Variants in LEPR observed in about 807,000 individuals in gnomAD.
The protein encoded by LEPR is leptin receptor.
A neutral mutation model predicts 114.7 loss-of-function variants in LEPR; 56 were observed. The observed-to-expected ratio is 0.49, with a 90% confidence interval of 0.39 to 0.61. LEPR has a LOEUF of 0.61. Ranked by LOEUF, LEPR falls within the 20% of genes least tolerant of loss-of-function variation. The pLI is 0.00. For synonymous variants in LEPR, 443 were observed against 461.4 expected, an observed-to-expected ratio of 0.96 and a Z score of 0.51; for missense variants, 1,202 against 1,352.9, an observed-to-expected ratio of 0.89 and a Z score of 1.75.
At chr1:65,565,680 A>G in intron 3 of LEPR, 75 bp downstream of exon 3, 2 of 1,519,028 alleles carry the variant, frequency 1.3e-6, no homozygotes, top group South Asian at 1.1e-5. Context: ...ATGCTGTTTT[A>G]TTTATTAGCT....
chr1:65,550,970 C>G (rs1270315135), intron 2 of LEPR, among the ~76,000 whole-genome samples: 3 of 151,700 alleles, frequency 2.0e-5, no homozygotes, highest in Admixed American at 6.6e-5. Context: ...GCTCCTCCCC[C>G]CATCATGTGG....
intron 2 of LEPR, chr1:65,434,771 G>A: frequency 1.0e-6 from 1 of 985,370 alleles, no homozygotes; most frequent in Non-Finnish European, 1.2e-6. Context: ...TCCCAACTGA[G>A]AACCTTCCCA....
intron 1 of LEPR, chr1:65,421,256 C>T: frequency 7.1e-7 from 1 of 1,411,468 alleles, no homozygotes; most frequent in Non-Finnish European, 9.3e-7. Context: ...CGGTGTTTCT[C>T]GCAGTCGTGG....
chr1:65,448,379 C>G (rs79870150), intron 2 of LEPR, among the ~76,000 whole-genome samples: 1 of 152,220 alleles, frequency 6.6e-6, no homozygotes, highest in African/African-American at 2.4e-5. Context: ...ATTCCACTTG[C>G]TCATGGTGTA....
chr1:65,491,833 G>T (rs1647888975), intron 2 of LEPR, among the ~76,000 whole-genome samples: 1 of 152,058 alleles, frequency 6.6e-6, no homozygotes, highest in South Asian at 2.1e-4. Flanking sequence ...AAAATGGATT[G>T]TTTCTAAAAT....
chr1:65,576,745 A>T (rs1467428998), intron 5 of LEPR: 1 of 197,932 alleles, frequency 5.1e-6, no homozygotes, highest in East Asian at 1.3e-4. Flanking sequence ...GCCAGCTGCA[A>T]AAAGTTGTGT....
chr1:65,528,882 G>T (rs7553258), intron 2 of LEPR, among the ~76,000 whole-genome samples: 34,567 of 151,872 alleles, frequency 0.23, 5,531 homozygotes, highest in East Asian at 0.8. Flanking sequence ...CCAGCTCACT[G>T]CAACCTCCGC....
At chr1:65,627,260 T>C (rs1159497603) in intron 19 of LEPR, among the ~76,000 whole-genome samples, 1 of 152,190 alleles carries the variant, frequency 6.6e-6, no homozygotes, top group East Asian at 1.9e-4. Flanking sequence ...CACTTAAAAA[T>C]AGTTCAAATG....
rs1370035746 is a variant in LEPR, at chr1:65,639,972, TA to T, written c.*2960del. ...ATAGGAGCAGTTTTTTTTTTCTTTT[TA>T]AACCTAGTCACCAAATGGTAAAAGG... On this transcript the variant is annotated 3_prime_UTR_variant, in exon 20 of 20. Transcript: ENST00000349533. 1 of 152,136 alleles carries T rather than the reference TA, an allele frequency of 6.6e-6. No homozygotes were observed. Among genetic ancestry groups the T allele is most frequent in the Non-Finnish European group, 1.5e-5 (1 of 68,008 alleles). The allele number at this position is 152,136 out of a possible 1,614,324, so 9.4% of individuals were successfully genotyped here.
At chr1:65,421,899 A>C (rs1646258873) in intron 1 of LEPR, among the ~76,000 whole-genome samples, 1 of 152,254 alleles carries the variant, frequency 6.6e-6, no homozygotes. Context: ...AAACGGACTA[A>C]GGGAAGGAAG....
chr1:65,601,056 T>C (rs569582766), intron 8 of LEPR, among the ~76,000 whole-genome samples: 13 of 152,190 alleles, frequency 8.5e-5, no homozygotes, highest in Middle Eastern at 3.4e-3. Flanking sequence ...TATGTCATTG[T>C]TGAATTAAGC....
chr1:65,539,846 A>G (rs1267474702), intron 2 of LEPR, among the ~76,000 whole-genome samples: 1 of 152,188 alleles, frequency 6.6e-6, no homozygotes, highest in African/African-American at 2.4e-5. Context: ...GGTTTCAGTC[A>G]TAACATGCAG....
intron 2 of LEPR, among the ~76,000 whole-genome samples, chr1:65,512,005 GC>G (rs2100554937): frequency 6.6e-6 from 1 of 152,280 alleles, no homozygotes; most frequent in East Asian, 1.9e-4. Context: ...TTCTGGGGAC[GC>G]CTCAGGAAGC....
At chr1:65,424,110 T>C (rs1254993147) in intron 1 of LEPR, among the ~76,000 whole-genome samples, 1 of 152,158 alleles carries the variant, frequency 6.6e-6, no homozygotes, top group Non-Finnish European at 1.5e-5. Flanking sequence ...GACTCAGAGC[T>C]CAAGATTTTG....
At chr1:65,457,447 C>T (rs1203565560) in intron 2 of LEPR, among the ~76,000 whole-genome samples, 1 of 152,114 alleles carries the variant, frequency 6.6e-6, no homozygotes, top group African/African-American at 2.4e-5. Context: ...TCCCCAGTCT[C>T]AGAAATTCTT....
At chr1:65,485,829 C>T (rs893586609) in intron 2 of LEPR, among the ~76,000 whole-genome samples, 1 of 152,058 alleles carries the variant, frequency 6.6e-6, no homozygotes, top group Non-Finnish European at 1.5e-5. Context: ...TCTGTACAGA[C>T]AGTACATCCA....
At chr1:65,613,287 T>C (rs1657294157) in intron 14 of LEPR, among the ~76,000 whole-genome samples, 1 of 152,192 alleles carries the variant, frequency 6.6e-6, no homozygotes, top group Admixed American at 6.5e-5. Context: ...TTGTGGGGTT[T>C]TTTATTTTAA....
chr1:65,612,518 ATCT>A lies in LEPR; in HGVS notation c.1995+2227_1995+2229del, dbSNP rs565762943. Reference sequence around the variant, plus strand: ...TCTCTTGGTTGCAAAAGTTTCTTAGATCTTCTTTGTTTTTATGAACTTGACACA... The same window carrying A: ...TCTCTTGGTTGCAAAAGTTTCTTAGATCTTTGTTTTTATGAACTTGACACA... On this transcript the variant is annotated intron_variant, in intron 14 of 19. Coordinates refer to ENST00000349533, the MANE Select transcript of LEPR (RefSeq NM_002303.6). 3.8e-3 allele frequency among the ~76,000 whole-genome samples: 584 copies of A among 152,160 alleles called. 2 individuals are homozygous for A. The highest frequency in any genetic ancestry group is 0.014 in the African/African-American group (565 of 41,478).
At chr1:65,583,000 T>G (rs1198287580) in intron 5 of LEPR, among the ~76,000 whole-genome samples, 3 of 151,962 alleles carry the variant, frequency 2.0e-5, no homozygotes, top group Admixed American at 2.0e-4. Flanking sequence ...TAAGAGGGTC[T>G]GGATTACTCT....
Sources: allele counts gnomAD v4.1 joint callset (sites outside exome capture counted in the v4.1 genomes callset), GRCh38; gene constraint gnomAD v4.1.1; transcripts MANE v1.5; gene names NCBI Gene and HGNC (gene_info 2026-07-23, HGNC 2026-07-21).